SPMAP2L: variants seen among roughly 807,000 people sequenced by gnomAD.
SPMAP2L encodes sperm microtubule associated protein 2-like.
At chr4:56,595,584 G>A in the SPMAP2L span, 20 of 1,361,914 alleles carry the variant, frequency 1.5e-5, no homozygotes, top group African/African-American at 2.9e-5. Flanking sequence ...ACTCCCCTTC[G>A]TGAAACCAGA....
At chr4:56,590,971 G>C in the SPMAP2L span, among the ~76,000 whole-genome samples, 1 of 152,118 alleles carries the variant, frequency 6.6e-6, no homozygotes, top group African/African-American at 2.4e-5. Flanking sequence ...ATAAATTAAT[G>C]AATCTCACAA....
chr4:56,605,594 G>T, the SPMAP2L span, among the ~76,000 whole-genome samples: 1 of 152,014 alleles, frequency 6.6e-6, no homozygotes, highest in Non-Finnish European at 1.5e-5. Flanking sequence ...AAATCACCTA[G>T]CCTTGCTTTT....
At chr4:56,570,280 C>T in the SPMAP2L span, among the ~76,000 whole-genome samples, 9 of 152,324 alleles carry the variant, frequency 5.9e-5, no homozygotes, top group Admixed American at 1.3e-4. Flanking sequence ...CTCACCACAA[C>T]TATTTACAGT....
At chr4:56,536,017 C>T in the SPMAP2L span, among the ~76,000 whole-genome samples, 12,514 of 152,314 alleles carry the variant, frequency 0.082, 648 homozygotes, top group East Asian at 0.26. Context: ...GCGCAGTTCA[C>T]GATAGGGTTT....
At chr4:56,584,218 C>T in the SPMAP2L span, among the ~76,000 whole-genome samples, 129 of 152,232 alleles carry the variant, frequency 8.5e-4, 2 homozygotes, top group Middle Eastern at 3.4e-3. Flanking sequence ...CCTCCCACCT[C>T]CACCTTTCAA....
chr4:56,543,929 TGAGA>T, the SPMAP2L span, among the ~76,000 whole-genome samples: 17,847 of 131,346 alleles, frequency 0.14, 1,300 homozygotes, highest in East Asian at 0.22. Flanking sequence ...TGTGTGTATG[TGAGA>T]GAGAGAGAGA....
chr4:56,552,614 G>A, the SPMAP2L span: 1 of 1,497,744 alleles, frequency 6.7e-7, no homozygotes, highest in Non-Finnish European at 9.0e-7. Context: ...ACTCCAGACA[G>A]GTAAGGCAAT....
chr4:56,575,231 AG>A, the SPMAP2L span, among the ~76,000 whole-genome samples: 1 of 149,982 alleles, frequency 6.7e-6, no homozygotes, highest in Non-Finnish European at 1.5e-5. Context: ...TCTGGGCGAC[AG>A]AGCGAGACTC....
At chr4:56,579,677 G>A in the SPMAP2L span, among the ~76,000 whole-genome samples, 2 of 152,150 alleles carry the variant, frequency 1.3e-5, no homozygotes, top group East Asian at 1.9e-4. Flanking sequence ...GCTGAGGTGG[G>A]AGAATCACAT....
chr4:56,575,723 T>A, the SPMAP2L span: 1 of 1,344,076 alleles, frequency 7.4e-7, no homozygotes, highest in Non-Finnish European at 1.0e-6. Flanking sequence ...TTTTAGTGTG[T>A]GCAATTTCAT....
At chr4:56,550,826 T>G in the SPMAP2L span, among the ~76,000 whole-genome samples, 6 of 152,226 alleles carry the variant, frequency 3.9e-5, no homozygotes, top group Admixed American at 3.9e-4. Flanking sequence ...TGTGCCTAAT[T>G]AGCCCGGTAT....
chr4:56,604,521 G>C, the SPMAP2L span, among the ~76,000 whole-genome samples: 1 of 151,862 alleles, frequency 6.6e-6, no homozygotes, highest in Non-Finnish European at 1.5e-5. Context: ...AGCCTGGTGT[G>C]GTGGTACACA....
the SPMAP2L span, among the ~76,000 whole-genome samples, chr4:56,542,015 G>A: frequency 1.3e-5 from 2 of 152,168 alleles, no homozygotes; most frequent in African/African-American, 4.8e-5. Flanking sequence ...TATTTTTACA[G>A]TTGATTTGTT....
the SPMAP2L span, chr4:56,593,976 T>C: frequency 1.2e-6 from 2 of 1,610,056 alleles, no homozygotes; most frequent in Non-Finnish European, 1.7e-6. Context: ...ACCTTGAAGA[T>C]TCAGTGTGGC....
chr4:56,565,785 C>T, the SPMAP2L span, among the ~76,000 whole-genome samples: 1 of 152,136 alleles, frequency 6.6e-6, no homozygotes, highest in Non-Finnish European at 1.5e-5. Flanking sequence ...AAATCTGAAA[C>T]ACTTCTAGTC....
the SPMAP2L span, among the ~76,000 whole-genome samples, chr4:56,551,027 C>T: frequency 6.6e-6 from 1 of 151,814 alleles, no homozygotes; most frequent in South Asian, 2.1e-4. Context: ...TGAGTCCCCT[C>T]TCCCCTACTG....
chr4:56,594,275 A>G, the SPMAP2L span: 1 of 1,570,660 alleles, frequency 6.4e-7, no homozygotes, highest in Non-Finnish European at 8.8e-7. Context: ...GTATATGAAG[A>G]AACTGGAAAA....
At chr4:56,582,559 A>C in the SPMAP2L span, among the ~76,000 whole-genome samples, 1 of 148,734 alleles carries the variant, frequency 6.7e-6, no homozygotes, top group Non-Finnish European at 1.5e-5. Flanking sequence ...TAAATCAACA[A>C]AAAAAACAGG....
chr4:56,539,400 A>G, the SPMAP2L span, among the ~76,000 whole-genome samples: 1 of 152,166 alleles, frequency 6.6e-6, no homozygotes, highest in African/African-American at 2.4e-5. Flanking sequence ...TTAAGTGGCA[A>G]CAATAACCTC....
Sources: allele counts gnomAD v4.1 joint callset (sites outside exome capture counted in the v4.1 genomes callset), GRCh38; gene constraint gnomAD v4.1.1; transcripts MANE v1.5; gene names NCBI Gene and HGNC (gene_info 2026-07-23, HGNC 2026-07-21).